Variants in CDRT4 observed in about 807,000 individuals in gnomAD.
The protein encoded by CDRT4 is CMT1A duplicated region transcript 4, also known as CMT1A duplicated region transcript 4 protein.
For missense variants in CDRT4, 167 were observed against 193.1 expected (o/e 0.87, Z 0.80); for synonymous variants, 64 against 69.6 (o/e 0.92, Z 0.40).
intron 1 of CDRT4, among the ~76,000 whole-genome samples, chr17:15,460,137 T>C (rs189253831): frequency 2.6e-5 from 4 of 152,294 alleles, no homozygotes; most frequent in East Asian, 1.9e-4. Context: ...AGATAGTTTA[T>C]AGGTACCTCA....
chr17:15,438,151 G>T lies in CDRT4; in HGVS notation c.81C>A (p.Asp27Glu), dbSNP rs539994608. 6.2e-7 allele frequency: 1 copy of T among 1,613,986 alleles called. No individual in the cohort carries two copies. The highest frequency in any genetic ancestry group is 2.2e-5 in the East Asian group (1 of 44,900). Residue 27 changes from aspartate to glutamate, a missense_variant, in exon 4 of 4, where the codon GAC becomes GAA. Transcript: ENST00000619038. ...TATAGGTGACATAGGCCGGCCAGGG[G>T]TCATGTTTTTCAAGTAGCTTCCGGG... Reference protein sequence around the residue: ...GLPRKLLEKHDPWPAYVTYTS... With the variant: ...GLPRKLLEKHEPWPAYVTYTS...
At chr17:15,442,883 T>C (rs1978834000) in intron 2 of CDRT4, among the ~76,000 whole-genome samples, 1 of 152,258 alleles carries the variant, frequency 6.6e-6, no homozygotes, top group African/African-American at 2.4e-5. Context: ...TGGGCTTTTA[T>C]AATTTCCTTC....
chr17:15,439,375 G>C (rs917060135), intron 3 of CDRT4, among the ~76,000 whole-genome samples: 1 of 152,138 alleles, frequency 6.6e-6, no homozygotes, highest in Admixed American at 6.5e-5. Context: ...GCTTGTCTGG[G>C]GACAGATCTG....
At position 15,441,101 on chromosome 17, in the gene CDRT4, C is replaced by T. The variant is rs1000489409; in HGVS notation, c.-47-816G>A. Among the ~76,000 whole-genome samples, 30 of 152,140 alleles carry T rather than the reference C, an allele frequency of 2.0e-4. 1 individual carries two copies. Among genetic ancestry groups the T allele is most frequent in the Admixed American group, 1.9e-3 (29 of 15,274 alleles). On this transcript the variant is annotated intron_variant, in intron 2 of 3. Coordinates refer to ENST00000619038, the MANE Select transcript of CDRT4 (RefSeq NM_001204477.2). ...TAAGAGTTCATTACATTTCTATATT[C>T]GATTTTGCCATCTCTTTGGCCTTTA...
chr17:15,445,002 G>A (rs1206695574), intron 2 of CDRT4, among the ~76,000 whole-genome samples: 1 of 152,154 alleles, frequency 6.6e-6, no homozygotes, highest in Non-Finnish European at 1.5e-5. Context: ...ACCCTCTCTG[G>A]CCGCAAGCTG....
In CDRT4 at chr17:15,437,861, T is replaced by A; in HGVS notation, c.371A>T (p.Asp124Val). Residue 124 changes from aspartate to valine, a missense_variant, in exon 4 of 4, where the codon GAT (aspartate) becomes GTT (valine). Coordinates refer to ENST00000619038, the MANE Select transcript of CDRT4 (RefSeq NM_001204477.2). ...GTTTTCAGTTGGACAGTCTCTGGAA[T>A]CCGCATGTAAGTGTGTGGGTTCTGG... is the stretch of plus-strand genomic sequence containing the variant. ...MIPEPTHLHA[D>V]SRDCPTENYN... 1 of 1,614,184 alleles carries A rather than the reference T, an allele frequency of 6.2e-7. No homozygotes were observed. Among genetic ancestry groups the A allele is most frequent in the South Asian group, 1.1e-5 (1 of 91,078 alleles).
At position 15,464,936 on chromosome 17, in the gene CDRT4, C is replaced by A. The variant is rs1338621586; in HGVS notation, c.-130+2524G>T. Among the ~76,000 whole-genome samples the A allele has an allele frequency of 6.6e-6, 1 of 152,022 alleles. No homozygotes were observed. Among genetic ancestry groups the A allele is most frequent in the African/African-American group, 2.4e-5 (1 of 41,376 alleles). On this transcript the variant is annotated intron_variant, in intron 1 of 3. Coordinates refer to ENST00000619038, the MANE Select transcript of CDRT4 (RefSeq NM_001204477.2). The surrounding 1 kb of genome is among the most constrained non-coding windows in gnomAD (Gnocchi z 4.5). The stretch of plus-strand genomic sequence containing the variant: ...CAAGAAAGTGCAAGTGGGTGCAACA[C>A]ACACACACACCAACACACAGACACA...
chr17:15,458,995 C>G (rs1485990587), intron 1 of CDRT4, among the ~76,000 whole-genome samples: 1 of 152,186 alleles, frequency 6.6e-6, no homozygotes, highest in Non-Finnish European at 1.5e-5. Flanking sequence ...GCAGGTCTGT[C>G]ACTGCCTCAC....
intron 3 of CDRT4, chr17:15,439,113 C>T: frequency 2.2e-6 from 1 of 456,184 alleles, no homozygotes; most frequent in South Asian, 1.5e-5. Context: ...CTCTATTTAG[C>T]AGAAATGATT....
chr17:15,466,037 A>AAGGG (rs1243063116), intron 1 of CDRT4, among the ~76,000 whole-genome samples: 3 of 141,810 alleles, frequency 2.1e-5, no homozygotes, highest in Non-Finnish European at 4.6e-5. Context: ...GAGGGAGAGA[A>AAGGG]AGGGAGGGAG....
At chr17:15,465,086 A>C (rs1979945582) in intron 1 of CDRT4, among the ~76,000 whole-genome samples, 2 of 149,050 alleles carry the variant, frequency 1.3e-5, no homozygotes, top group Admixed American at 1.3e-4. Flanking sequence ...CAATACAGAC[A>C]CACACAACAC....
rs1214001462 is a variant in CDRT4 at position 15,436,130 on chromosome 17, T to A, written c.*1643A>T. On this transcript the variant is annotated 3_prime_UTR_variant, in exon 4 of 4. Coordinates refer to ENST00000619038, the MANE Select transcript of CDRT4 (RefSeq NM_001204477.2). ...CCACCTATATTTTTCGAAGAATTCA[T>A]TCTGGCCAACAGTTGGGAACCAATA... The A allele has an allele frequency of 6.6e-6, 1 of 152,240 alleles. No homozygotes were observed. Among genetic ancestry groups the A allele is most frequent in the African/African-American group, 2.4e-5 (1 of 41,466 alleles). 9.4% of individuals were successfully genotyped at this position (152,240 alleles called of 1,614,324 possible).
intron 1 of CDRT4, among the ~76,000 whole-genome samples, chr17:15,453,365 T>A (rs1979345927): frequency 6.6e-6 from 1 of 152,184 alleles, no homozygotes; most frequent in African/African-American, 2.4e-5. Context: ...ATAGAAAATA[T>A]GTGTGGGTAA....
At chr17:15,453,433 A>G (rs1979349581) in intron 1 of CDRT4, among the ~76,000 whole-genome samples, 1 of 152,192 alleles carries the variant, frequency 6.6e-6, no homozygotes, top group African/African-American at 2.4e-5. Flanking sequence ...CAGAAATCCA[A>G]TTAAACAAAA....
intron 3 of CDRT4, among the ~76,000 whole-genome samples, chr17:15,439,476 C>T (rs1423755514): frequency 6.6e-6 from 1 of 152,158 alleles, no homozygotes; most frequent in Non-Finnish European, 1.5e-5. Context: ...AGCAAGGCCT[C>T]CAAGCACAGA....
intron 3 of CDRT4, chr17:15,439,198 T>C (rs968582348): frequency 1.1e-5 from 5 of 455,706 alleles, no homozygotes; most frequent in South Asian, 3.1e-5. Context: ...CTATATTTCT[T>C]TGGTCATTTC....
At chr17:15,459,541 T>A (rs1051296706) in intron 1 of CDRT4, among the ~76,000 whole-genome samples, 1 of 150,980 alleles carries the variant, frequency 6.6e-6, no homozygotes, top group Non-Finnish European at 1.5e-5. Flanking sequence ...GCCTCCTGGA[T>A]TCACGCCATT....
intron 1 of CDRT4, among the ~76,000 whole-genome samples, chr17:15,459,221 A>G (rs929893278): frequency 6.6e-6 from 1 of 151,608 alleles, no homozygotes; most frequent in Non-Finnish European, 1.5e-5. Flanking sequence ...AGAGGCAGGA[A>G]CCTCCCCTCC....
Position 15,465,846 on chromosome 17 carries a change from G to A in CDRT4, c.-130+1614C>T, listed in dbSNP as rs568196858. Among the ~76,000 whole-genome samples the A allele has an allele frequency of 9.9e-5, 15 of 151,678 alleles. No homozygotes were observed. In the South Asian group the frequency reaches 1.3e-3, roughly 13 times the overall value. On this transcript the variant is annotated intron_variant, in intron 1 of 3. Coordinates refer to ENST00000619038, the MANE Select transcript of CDRT4 (RefSeq NM_001204477.2). Reference sequence around the variant, plus strand: ...ATCCACCGTGGGGAGGACATGCAGCGCGCATCGTGAGGACTCCAGACCCCT... The same window carrying A: ...ATCCACCGTGGGGAGGACATGCAGCACGCATCGTGAGGACTCCAGACCCCT...
Sources: gnomAD v4.1 joint callset for allele counts (sites outside exome capture counted in the v4.1 genomes callset) on GRCh38, gnomAD v4.1.1 for gene constraint, Gnocchi (gnomAD v3.1) non-coding constraint, MANE v1.5 for transcripts, NCBI Gene and HGNC (gene_info 2026-07-23, HGNC 2026-07-21) for gene names.